Variants in LOC128125818 observed in about 807,000 individuals in gnomAD.
the LOC128125818 span, among the ~76,000 whole-genome samples, chr4:6,067,618 G>A: frequency 6.7e-6 from 1 of 148,712 alleles, no homozygotes; most frequent in African/African-American, 2.5e-5. The surrounding 1 kb of genome is among the most constrained non-coding windows in gnomAD (Gnocchi z 4.6). Context: ...ACCCCCCTGA[G>A]CTCCAGGTTC....
chr4:6,068,388 G>C, the LOC128125818 span, among the ~76,000 whole-genome samples: 14 of 152,178 alleles, frequency 9.2e-5, no homozygotes, highest in African/African-American at 3.1e-4. Context: ...AGAGGAAGCA[G>C]CTCTTAGAGC....
chr4:6,066,573 C>T, the LOC128125818 span, among the ~76,000 whole-genome samples: 24 of 152,236 alleles, frequency 1.6e-4, no homozygotes, highest in African/African-American at 5.1e-4. Context: ...CCGCACCTCC[C>T]GCAATCTAAC....
chr4:6,065,512 T>G, the LOC128125818 span, among the ~76,000 whole-genome samples: 1 of 152,214 alleles, frequency 6.6e-6, no homozygotes, highest in Non-Finnish European at 1.5e-5. This position sits in a 1 kb window ranked among gnomAD's most constrained non-coding sequence, Gnocchi z 5.1. Flanking sequence ...GGGCAACAGC[T>G]TGAAGGAGTG....
At chr4:6,069,758 A>G in the LOC128125818 span, among the ~76,000 whole-genome samples, 1 of 151,928 alleles carries the variant, frequency 6.6e-6, no homozygotes, top group Non-Finnish European at 1.5e-5. The surrounding 1 kb of genome is among the most constrained non-coding windows in gnomAD (Gnocchi z 4.5). Context: ...GTCTCAAAAA[A>G]AAAAAAAAAA....
the LOC128125818 span, among the ~76,000 whole-genome samples, chr4:6,067,069 C>T: frequency 2.0e-5 from 3 of 152,148 alleles, no homozygotes; most frequent in South Asian, 2.1e-4. This position sits in a 1 kb window ranked among gnomAD's most constrained non-coding sequence, Gnocchi z 4.6. Context: ...TCACCCCCGC[C>T]CCAGCCTCTG....
At chr4:6,065,976 T>C in the LOC128125818 span, among the ~76,000 whole-genome samples, 1 of 152,176 alleles carries the variant, frequency 6.6e-6, no homozygotes, top group Non-Finnish European at 1.5e-5. This position sits in a 1 kb window ranked among gnomAD's most constrained non-coding sequence, Gnocchi z 5.1. Context: ...TCTCTTATTT[T>C]AGGAACATAG....
At chr4:6,069,960 T>G in the LOC128125818 span, 1 of 396,566 alleles carries the variant, frequency 2.5e-6, no homozygotes, top group Non-Finnish European at 4.4e-6. The surrounding 1 kb of genome is among the most constrained non-coding windows in gnomAD (Gnocchi z 4.5). Context: ...CCTATCATTT[T>G]CAACAGAGCC....
the LOC128125818 span, among the ~76,000 whole-genome samples, chr4:6,068,244 ATGT>A: frequency 6.6e-6 from 1 of 152,202 alleles, no homozygotes; most frequent in East Asian, 1.9e-4. Flanking sequence ...TTAACTACCG[ATGT>A]TGCCGCCTGT....
At chr4:6,065,820 A>C in the LOC128125818 span, among the ~76,000 whole-genome samples, 1 of 152,166 alleles carries the variant, frequency 6.6e-6, no homozygotes, top group East Asian at 1.9e-4. The surrounding 1 kb of genome is among the most constrained non-coding windows in gnomAD (Gnocchi z 5.1). Context: ...ATTCACTCAG[A>C]AAACACTGGC....
chr4:6,065,076 G>A, the LOC128125818 span: 9 of 1,593,292 alleles, frequency 5.6e-6, no homozygotes, highest in East Asian at 2.2e-5. The surrounding 1 kb of genome is among the most constrained non-coding windows in gnomAD (Gnocchi z 5.1). Flanking sequence ...GTCCCTGGTC[G>A]TGGGCATGCC....
the LOC128125818 span, among the ~76,000 whole-genome samples, chr4:6,069,425 G>A: frequency 2.1e-4 from 32 of 152,240 alleles, no homozygotes; most frequent in African/African-American, 5.3e-4. This position sits in a 1 kb window ranked among gnomAD's most constrained non-coding sequence, Gnocchi z 4.5. Context: ...TTGTTGACTC[G>A]TTTCTACAGA....
chr4:6,065,084 G>C, the LOC128125818 span: 1 of 1,566,342 alleles, frequency 6.4e-7, no homozygotes, highest in Middle Eastern at 1.7e-4. The surrounding 1 kb of genome is among the most constrained non-coding windows in gnomAD (Gnocchi z 5.1). Flanking sequence ...TCGTGGGCAT[G>C]CCAGTGCAGG....
chr4:6,067,796 ACG>A, the LOC128125818 span, among the ~76,000 whole-genome samples: 7 of 134,816 alleles, frequency 5.2e-5, no homozygotes, highest in South Asian at 2.5e-4. This position sits in a 1 kb window ranked among gnomAD's most constrained non-coding sequence, Gnocchi z 4.6. Flanking sequence ...TCTTCTGCAC[ACG>A]CAGGTCACCC....
the LOC128125818 span, among the ~76,000 whole-genome samples, chr4:6,066,540 C>T: frequency 0.26 from 38,746 of 151,920 alleles, 5,391 homozygotes; most frequent in South Asian, 0.36. Flanking sequence ...GGAATCCTAG[C>T]GGGCAGTGAC....
At chr4:6,068,569 T>TC in the LOC128125818 span, among the ~76,000 whole-genome samples, 2 of 150,970 alleles carry the variant, frequency 1.3e-5, no homozygotes, top group African/African-American at 4.9e-5. Flanking sequence ...TTTTTTTTTT[T>TC]TTTTTTGAGA....
At chr4:6,070,087 CA>C in the LOC128125818 span, 3 of 398,796 alleles carry the variant, frequency 7.5e-6, no homozygotes, top group Admixed American at 4.4e-5. Flanking sequence ...TCCTGGCAGC[CA>C]GAGAAGTACA....
At chr4:6,066,689 C>T in the LOC128125818 span, among the ~76,000 whole-genome samples, 5 of 152,132 alleles carry the variant, frequency 3.3e-5, no homozygotes, top group African/African-American at 4.8e-5. Context: ...GGGAGAAACC[C>T]TGTTGTCTTC....
the LOC128125818 span, chr4:6,070,068 T>C: frequency 5.0e-6 from 2 of 398,654 alleles, no homozygotes; most frequent in Non-Finnish European, 8.8e-6. Context: ...TTCATGCTTA[T>C]AGGTCATCTC....
the LOC128125818 span, among the ~76,000 whole-genome samples, chr4:6,065,201 T>C: frequency 6.6e-6 from 1 of 152,162 alleles, no homozygotes; most frequent in South Asian, 2.1e-4. This position sits in a 1 kb window ranked among gnomAD's most constrained non-coding sequence, Gnocchi z 5.1. Context: ...CGGATGACCC[T>C]AGGGTTTACA....
Sources: allele counts gnomAD v4.1 joint callset (sites outside exome capture counted in the v4.1 genomes callset), GRCh38; gene constraint gnomAD v4.1.1; non-coding constraint Gnocchi (gnomAD v3.1); transcripts MANE v1.5.